The following AXDND1 variants were observed in gnomAD, a reference collection of about 807,000 sequenced individuals.
The protein encoded by AXDND1 is axonemal dynein light chain domain containing 1.
In AXDND1, 110 loss-of-function variants were observed where a neutral mutation model predicts 137.5. The observed-to-expected ratio is 0.80, with a 90% CI of 0.69 to 0.94. The LOEUF is 0.94. Among genes scored for constraint, AXDND1 ranks in the 40% least tolerant of loss-of-function variants. The pLI, the probability that AXDND1 is intolerant of heterozygous loss-of-function variation, is 0.00. For missense variants in AXDND1, 1,191 were observed against 1,169.8 expected (o/e 1.02, Z -0.26); for synonymous variants, 414 against 399.7 (o/e 1.04, Z -0.43).
chr1:179,478,829 G>A (rs1045965167), intron 17 of AXDND1, among the ~76,000 whole-genome samples: 9 of 152,218 alleles, frequency 5.9e-5, no homozygotes, highest in Admixed American at 5.2e-4. Flanking sequence ...GCTGGGTATG[G>A]TGACTCATGC....
At position 179,528,363 on chromosome 1, in the gene AXDND1, C is replaced by A; in HGVS notation, c.2647C>A (p.Arg883=). Residue 883 remains arginine, a synonymous_variant, in exon 23 of 26, where the codon CGA becomes AGA. Transcript: ENST00000367618. ...STSTEKEKLI[R]FIGEDENVHS... Reference sequence around the variant, plus strand: ...ATCTACAGAGAAGGAAAAACTCATTCGATTCATTGGAGAAGATGAAAATGT... The same window carrying A: ...ATCTACAGAGAAGGAAAAACTCATTAGATTCATTGGAGAAGATGAAAATGT... 1 of 1,613,798 alleles carries A rather than the reference C, an allele frequency of 6.2e-7. No homozygotes were observed.
intron 20 of AXDND1, among the ~76,000 whole-genome samples, chr1:179,502,381 G>A (rs550913713): frequency 2.6e-5 from 4 of 151,654 alleles, no homozygotes; most frequent in East Asian, 2.0e-4. Context: ...CCTGGCCAGC[G>A]TGGTGAACCT....
intron 7 of AXDND1, among the ~76,000 whole-genome samples, 181 bp from the exon 8 acceptor site, chr1:179,383,261 C>G (rs929170649): frequency 6.6e-6 from 1 of 151,984 alleles, no homozygotes; most frequent in Admixed American, 6.6e-5. Flanking sequence ...CATTTTTCTT[C>G]CTTTTTTCTA....
chr1:179,541,703 AAT>A (rs1211874094), intron 25 of AXDND1, among the ~76,000 whole-genome samples: 34 of 138,180 alleles, frequency 2.5e-4, no homozygotes, highest in South Asian at 6.4e-4. Context: ...TATGCATGAT[AAT>A]ATATGCATGA....
intron 15 of AXDND1, among the ~76,000 whole-genome samples, chr1:179,436,358 G>A (rs974820271): frequency 6.6e-6 from 1 of 152,098 alleles, no homozygotes; most frequent in Non-Finnish European, 1.5e-5. Context: ...CCCAAAGGAA[G>A]ATAAATCATT....
At chr1:179,534,566 C>G in intron 24 of AXDND1, 164 bp from the exon 25 acceptor site, 4 of 786,796 alleles carry the variant, frequency 5.1e-6, no homozygotes, top group East Asian at 3.0e-5. Context: ...CAGAGTCGCT[C>G]CTGGGCCCCC....
intron 17 of AXDND1, among the ~76,000 whole-genome samples, chr1:179,480,887 G>A (rs755752757): frequency 6.7e-6 from 1 of 149,284 alleles, no homozygotes; most frequent in East Asian, 2.0e-4. Flanking sequence ...CTAGTTGATT[G>A]GTCTATTGTT....
intron 21 of AXDND1, among the ~76,000 whole-genome samples, chr1:179,519,208 G>A (rs1203702732): frequency 6.6e-6 from 1 of 152,124 alleles, no homozygotes; most frequent in African/African-American, 2.4e-5. Context: ...GTCTGTTCAT[G>A]TCCTTTGCCC....
intron 15 of AXDND1, among the ~76,000 whole-genome samples, chr1:179,436,168 G>A (rs1035620533): frequency 6.6e-6 from 1 of 152,188 alleles, no homozygotes. Context: ...AGTCAGAATG[G>A]TGATTATTAA....
intron 6 of AXDND1, among the ~76,000 whole-genome samples, chr1:179,381,278 G>T (rs897908743): frequency 6.6e-6 from 1 of 151,326 alleles, no homozygotes. Context: ...CTGACCTCAG[G>T]TGATCTGCCC....
chr1:179,536,382 T>G (rs1016322631), intron 25 of AXDND1, among the ~76,000 whole-genome samples: 4 of 152,186 alleles, frequency 2.6e-5, no homozygotes, highest in Non-Finnish European at 5.9e-5. Context: ...TTGAGTTAAT[T>G]TTTGTATAAG....
In AXDND1 at chr1:179,432,250, T is replaced by C; in HGVS notation, c.1488-17T>C. ...CTTGTTCTGAGATGTTTCTCTTTTT[T>C]TTTTTCTTCTTTTCAGTGAAAAAGA... On this transcript the variant is annotated splice_polypyrimidine_tract_variant and intron_variant, in intron 14 of 25. Coordinates refer to ENST00000367618, the MANE Select transcript of AXDND1 (RefSeq NM_144696.6). 6.6e-7 allele frequency: 1 copy of C among 1,523,940 alleles called. No individual in the cohort carries two copies. The allele number at this position is 1,523,940 out of a possible 1,614,324, so 94.4% of individuals were successfully genotyped here.
chr1:179,432,706 G>T (rs1201578313), intron 15 of AXDND1, among the ~76,000 whole-genome samples: 1 of 152,120 alleles, frequency 6.6e-6, no homozygotes, highest in Non-Finnish European at 1.5e-5. Flanking sequence ...GATTACAGGT[G>T]TGAGTCACCA....
At chr1:179,464,916 A>C (rs1662906333) in intron 16 of AXDND1, among the ~76,000 whole-genome samples, 1 of 152,170 alleles carries the variant, frequency 6.6e-6, no homozygotes, top group Non-Finnish European at 1.5e-5. Context: ...CAGCTACTGA[A>C]GCTTCTGCAT....
chr1:179,376,408 G>A (rs1319155000), intron 4 of AXDND1, among the ~76,000 whole-genome samples: 2 of 152,134 alleles, frequency 1.3e-5, no homozygotes, highest in African/African-American at 2.4e-5. Context: ...TGTATTTTCA[G>A]TCAGCGTTTG....
intron 17 of AXDND1, among the ~76,000 whole-genome samples, chr1:179,481,333 A>G (rs1420545982): frequency 2.6e-5 from 4 of 152,082 alleles, no homozygotes; most frequent in Non-Finnish European, 4.4e-5. Context: ...TTACGGCTGC[A>G]TAGTATTCCA....
intron 21 of AXDND1, among the ~76,000 whole-genome samples, chr1:179,518,385 C>T (rs1378429863): frequency 2.8e-5 from 4 of 145,144 alleles, no homozygotes; most frequent in East Asian, 2.0e-4. Context: ...TTTCCTTTTT[C>T]TTTTTTTTTT....
At chr1:179,464,947 C>G (rs1239780275) in intron 16 of AXDND1, among the ~76,000 whole-genome samples, 1 of 152,134 alleles carries the variant, frequency 6.6e-6, no homozygotes. Flanking sequence ...GTTCTTATGC[C>G]ATGGTTTTCA....
intron 25 of AXDND1, among the ~76,000 whole-genome samples, chr1:179,538,496 G>T (rs1408080232): frequency 7.2e-5 from 11 of 152,132 alleles, no homozygotes; most frequent in Non-Finnish European, 1.5e-5. Context: ...ATGTTGTTGT[G>T]TGGTTTTGAG....
Sources: gnomAD v4.1 joint callset for allele counts (sites outside exome capture counted in the v4.1 genomes callset) on GRCh38, gnomAD v4.1.1 for gene constraint, MANE v1.5 for transcripts, NCBI Gene and HGNC (gene_info 2026-07-23, HGNC 2026-07-21) for gene names.